The following LYPLAL1 variants were observed in gnomAD, a reference collection of about 807,000 sequenced individuals.
LYPLAL1 encodes the protein lysophospholipase-like protein 1.
In LYPLAL1, 23 loss-of-function variants were observed where a neutral mutation model predicts 19.7. That is an observed-to-expected ratio of 1.17 (90% CI 0.84 to 1.65). The LOEUF is 1.65. Ranked by LOEUF, LYPLAL1 falls within the 40% of genes most tolerant of loss-of-function variation. LYPLAL1 has a pLI of 0.00. For missense variants in LYPLAL1, 355 were observed against 279.4 expected (o/e 1.27, Z -1.93); for synonymous variants, 119 against 96.3 (o/e 1.24, Z -1.38).
chr1:219,202,479 G>A (rs1658193399), intron 3 of LYPLAL1, among the ~76,000 whole-genome samples: 1 of 152,064 alleles, frequency 6.6e-6, no homozygotes, highest in Admixed American at 6.5e-5. Flanking sequence ...TTAAACAAGA[G>A]TTACTGTTTA....
chr1:219,323,984 A>G, the LYPLAL1 span, among the ~76,000 whole-genome samples: 1 of 152,160 alleles, frequency 6.6e-6, no homozygotes, highest in Non-Finnish European at 1.5e-5. Flanking sequence ...TCCCAGGAAC[A>G]TGGTAACTGA....
the LYPLAL1 span, among the ~76,000 whole-genome samples, chr1:219,439,959 C>CTCTATATATATATATATA: frequency 2.3e-5 from 3 of 131,682 alleles, no homozygotes; most frequent in African/African-American, 9.7e-5. Context: ...ACAAAACTGA[C>CTCTATATATATATATATA]TATATATATA....
At chr1:219,390,413 C>T in the LYPLAL1 span, among the ~76,000 whole-genome samples, 1 of 152,160 alleles carries the variant, frequency 6.6e-6, no homozygotes, top group Non-Finnish European at 1.5e-5. Flanking sequence ...AGATTAACTA[C>T]CAGAGAAGAG....
the LYPLAL1 span, among the ~76,000 whole-genome samples, chr1:219,375,140 T>C: frequency 2.6e-5 from 4 of 152,158 alleles, no homozygotes; most frequent in African/African-American, 9.7e-5. Flanking sequence ...GCACAGGGAA[T>C]ACAGTAGACA....
At chr1:219,223,141 A>G in the LYPLAL1 span, 1 of 151,878 alleles carries the variant, frequency 6.6e-6, no homozygotes, top group Non-Finnish European at 1.5e-5. Context: ...TTAATACTAG[A>G]TATAAAAGCA....
the LYPLAL1 span, among the ~76,000 whole-genome samples, chr1:219,278,407 A>ATATG: frequency 1.2e-4 from 18 of 152,200 alleles, no homozygotes; most frequent in African/African-American, 4.3e-4. Flanking sequence ...TAAAGCCTTT[A>ATATG]TATGTAAGAA....
At chr1:219,218,529 TTGTTAG>T in the LYPLAL1 span, among the ~76,000 whole-genome samples, 1 of 151,656 alleles carries the variant, frequency 6.6e-6, no homozygotes, top group African/African-American at 2.4e-5. Flanking sequence ...TCATTAGCTA[TTGTTAG>T]TGTTAGTGTA....
chr1:219,326,220 G>C, the LYPLAL1 span, among the ~76,000 whole-genome samples: 36 of 133,394 alleles, frequency 2.7e-4, no homozygotes, highest in African/African-American at 1.0e-3. Context: ...AGCCTTAAAG[G>C]CTTTTTGACT....
At chr1:219,438,811 G>C in the LYPLAL1 span, among the ~76,000 whole-genome samples, 1 of 152,266 alleles carries the variant, frequency 6.6e-6, no homozygotes, top group Middle Eastern at 3.4e-3. Context: ...CTAAAATGGG[G>C]AGTGTTCTAG....
At chr1:219,435,684 G>C in the LYPLAL1 span, among the ~76,000 whole-genome samples, 1 of 151,940 alleles carries the variant, frequency 6.6e-6, no homozygotes, top group Non-Finnish European at 1.5e-5. Context: ...AAATAAGCTG[G>C]GTGTGGTGGT....
the LYPLAL1 span, among the ~76,000 whole-genome samples, chr1:219,309,077 T>C: frequency 3.3e-5 from 5 of 152,216 alleles, no homozygotes; most frequent in African/African-American, 1.2e-4. Context: ...TCAGCTGACC[T>C]GGATGTGAGA....
At chr1:219,350,322 G>A in the LYPLAL1 span, among the ~76,000 whole-genome samples, 1 of 151,862 alleles carries the variant, frequency 6.6e-6, no homozygotes, top group East Asian at 1.9e-4. Context: ...ACCCACACAC[G>A]GTCTCATGAG....
At chr1:219,310,694 A>G in the LYPLAL1 span, among the ~76,000 whole-genome samples, 1 of 152,198 alleles carries the variant, frequency 6.6e-6, no homozygotes, top group Non-Finnish European at 1.5e-5. Context: ...GTGAAGTGAA[A>G]TAAAATTTGT....
the LYPLAL1 span, among the ~76,000 whole-genome samples, chr1:219,368,441 A>G: frequency 7.9e-5 from 12 of 152,334 alleles, no homozygotes; most frequent in African/African-American, 2.9e-4. Context: ...TCCATAACCT[A>G]TGCTGAAGCC....
At chr1:219,333,219 CT>C in the LYPLAL1 span, among the ~76,000 whole-genome samples, 1 of 152,012 alleles carries the variant, frequency 6.6e-6, no homozygotes, top group African/African-American at 2.4e-5. Context: ...CCATCTGAAA[CT>C]TTAATTTCAC....
the LYPLAL1 span, among the ~76,000 whole-genome samples, chr1:219,269,907 A>G: frequency 2.0e-5 from 3 of 152,266 alleles, no homozygotes; most frequent in African/African-American, 7.2e-5. Context: ...AATCATAAAA[A>G]TACCAAACTG....
the LYPLAL1 span, among the ~76,000 whole-genome samples, chr1:219,321,469 G>A: frequency 6.6e-6 from 1 of 152,096 alleles, no homozygotes; most frequent in Non-Finnish European, 1.5e-5. Flanking sequence ...GTCAGTTTTG[G>A]CTTTTGTTGC....
At chr1:219,197,742 A>C (rs913246823) in intron 3 of LYPLAL1, among the ~76,000 whole-genome samples, 8 of 152,202 alleles carry the variant, frequency 5.3e-5, no homozygotes, top group African/African-American at 1.9e-4. Context: ...ACCAAGGTCT[A>C]ATATCCAGAA....
the LYPLAL1 span, among the ~76,000 whole-genome samples, chr1:219,241,124 C>CTATA: frequency 4.3e-5 from 4 of 93,360 alleles, no homozygotes; most frequent in Admixed American, 1.3e-4. Context: ...CTCTCTCTCT[C>CTATA]TCTCTCTCTC....
Sources: gnomAD v4.1 joint callset for allele counts (sites outside exome capture counted in the v4.1 genomes callset) on GRCh38, gnomAD v4.1.1 for gene constraint, MANE v1.5 for transcripts, NCBI Gene and HGNC (gene_info 2026-07-23, HGNC 2026-07-21) for gene names.